Variants in PZP observed in about 807,000 individuals in gnomAD.
The protein encoded by PZP is pregnancy zone protein.
Under a neutral mutation model 179.8 loss-of-function variants are expected in PZP, and 150 were observed. The observed-to-expected ratio is 0.83, with a 90% CI of 0.73 to 0.96. The LOEUF (loss-of-function observed/expected upper bound fraction) is 0.96. Among genes scored for constraint, PZP ranks in the 40% least tolerant of loss-of-function variants. The probability of loss-of-function intolerance (pLI) is 0.00; values close to 1 mark genes in which losing one functional copy is unlikely to be tolerated. For synonymous variants in PZP, 624 were observed against 652.3 expected (o/e 0.96, Z 0.66); for missense variants, 1,689 against 1,764.0 (o/e 0.96, Z 0.76).
Position 9,154,816 on chromosome 12 carries a change from G to C in PZP, c.3574C>G (p.Pro1192Ala). Residue 1192 changes from proline (P) to alanine (A), a missense_variant, in exon 29 of 36, where the codon CCT (proline) becomes GCT (alanine). Pro to Ala is a conservative substitution (Grantham distance 27). Around this residue, in one of 3 missense-constraint regions of PZP, gnomAD observed 746 missense variants for 749.2 expected, o/e 1.00. Transcript: ENST00000261336. Reference protein sequence around the residue: ...KEDNLVHWERPQRPKAPVGHL... With the variant: ...KEDNLVHWERAQRPKAPVGHL... ...CCCACTGGTGCCTTGGGTCTCTGAGGGCGCTCCCAATGGACGAGGTTGTCT... is the reference window on the plus strand; with the variant it reads ...CCCACTGGTGCCTTGGGTCTCTGAGCGCGCTCCCAATGGACGAGGTTGTCT... 6.2e-7 allele frequency: 1 copy of C among 1,614,112 alleles called. No individual in the cohort carries two copies. Among genetic ancestry groups the C allele is most frequent in the Non-Finnish European group, 8.5e-7 (1 of 1,180,012 alleles).
In PZP at chr12:9,196,196, T is replaced by C. The variant is rs774492958; in HGVS notation, c.1092+134A>G. On this transcript the variant is annotated intron_variant, in intron 10 of 35. Coordinates refer to ENST00000261336, the MANE Select transcript of PZP (RefSeq NM_002864.3). ...TCAGTGATATTTAGAAAGGAAAGTATTTCTCCTTGGTTTCATGGTTTTTGG... is the reference window on the plus strand; with the variant it reads ...TCAGTGATATTTAGAAAGGAAAGTACTTCTCCTTGGTTTCATGGTTTTTGG... The C allele has an allele frequency of 1.4e-5, 8 of 563,678 alleles. No individual in the cohort carries two copies. In the African/African-American group the frequency reaches 1.5e-4, roughly 11 times the overall value. 34.9% of individuals were successfully genotyped at this position (563,678 alleles called of 1,614,324 possible).
intron 13 of PZP, 52 bp downstream of exon 13, chr12:9,192,141 A>G: frequency 7.0e-7 from 1 of 1,437,248 alleles, no homozygotes; most frequent in Non-Finnish European, 9.8e-7. Context: ...CACCGAGGGA[A>G]GGGTAAGGAT....
At chr12:9,143,369 G>A in the PZP span, among the ~76,000 whole-genome samples, 7 of 152,136 alleles carry the variant, frequency 4.6e-5, no homozygotes, top group Non-Finnish European at 2.9e-5. Context: ...GGTGGAGAAG[G>A]AGGAAGAGTG....
chr12:9,202,125 T>A (rs754092274), intron 4 of PZP, among the ~76,000 whole-genome samples, 194 bp downstream of exon 4: 1 of 152,302 alleles, frequency 6.6e-6, no homozygotes, highest in African/African-American at 2.4e-5. Context: ...AATACTGTTA[T>A]AAGAGAAAGA....
At chr12:9,199,967 T>C (rs1944057590) in intron 7 of PZP, among the ~76,000 whole-genome samples, 2 of 152,224 alleles carry the variant, frequency 1.3e-5, no homozygotes, top group African/African-American at 4.8e-5. Flanking sequence ...CAATTGAAGA[T>C]ACTTGACTGT....
chr12:9,201,450 G>T, intron 4 of PZP, 103 bp from the exon 5 acceptor site: 1 of 873,478 alleles, frequency 1.1e-6, no homozygotes, highest in Non-Finnish European at 1.8e-6. Flanking sequence ...ATTATCTGTA[G>T]CTAAATTCAA....
chr12:9,164,006 A>G, intron 20 of PZP, 127 bp downstream of exon 20: 2 of 1,343,998 alleles, frequency 1.5e-6, no homozygotes, highest in Non-Finnish European at 2.0e-6. Flanking sequence ...GTGGATAGAA[A>G]TAGGAAAAAA....
At position 9,182,071 on chromosome 12, in the gene PZP, G is replaced by A. The variant is rs376665839; in HGVS notation, c.1593C>T (p.Ala531=). Residue 531 remains alanine, a synonymous_variant, in exon 14 of 36, where the codon GCC becomes GCT. Transcript: ENST00000261336. ...ALSFPVESDV[A]PIARMFIFAI... ...CAAAGATGAACATTCGTGCAATGGG[G>A]GCAACGTCTGACTCCACAGGGAAGG... 9.9e-6 allele frequency: 16 copies of A among 1,613,620 alleles called. No homozygotes were observed. In the African/African-American group the frequency reaches 1.5e-4, roughly 15 times the overall value.
At chr12:9,163,174 G>A (rs1342609409) in intron 21 of PZP, among the ~76,000 whole-genome samples, 1 of 151,668 alleles carries the variant, frequency 6.6e-6, no homozygotes, top group Non-Finnish European at 1.5e-5. Flanking sequence ...GAGAGGTGGA[G>A]ATCAAGAAAT....
chr12:9,196,461 T>A (rs748167025), intron 9 of PZP, 22 bp from the exon 10 acceptor site: 1 of 1,587,140 alleles, frequency 6.3e-7, no homozygotes, highest in Non-Finnish European at 8.6e-7. Context: ...AAAGAGTCAG[T>A]ACTTTTAGAA....
At chr12:9,204,291 C>T (rs1044773660) in intron 1 of PZP, among the ~76,000 whole-genome samples, 4 of 152,006 alleles carry the variant, frequency 2.6e-5, no homozygotes, top group Admixed American at 2.0e-4. Context: ...GAATATATAT[C>T]CATAAAAGTG....
chr12:9,194,078 C>G lies in PZP; in HGVS notation c.1253G>C (p.Arg418Pro). 1.2e-6 allele frequency: 2 copies of G among 1,611,482 alleles called. No individual in the cohort carries two copies. The highest frequency in any genetic ancestry group is 1.1e-5 in the South Asian group (1 of 90,646). Residue 418 changes from arginine (R) to proline (P), a missense_variant and splice_region_variant, in exon 11 of 36, where the codon CGG becomes CCG. Physicochemically the swap from Arg to Pro is moderately radical, Grantham distance 103. Transcript: ENST00000261336. ...TSISVNKLFV[R>P]VFTVHPNLCF... ...AGAGATTTGTCTTTCTATACTTACCCGGACAAAAAGTTTATTAACCGAGAT... is the reference window on the plus strand; with the variant it reads ...AGAGATTTGTCTTTCTATACTTACCGGGACAAAAAGTTTATTAACCGAGAT...
At chr12:9,178,193 GC>G (rs1283761467) in intron 15 of PZP, among the ~76,000 whole-genome samples, 2 of 152,114 alleles carry the variant, frequency 1.3e-5, no homozygotes, top group Non-Finnish European at 2.9e-5. Context: ...ATATTAAATG[GC>G]AAATTCAGAA....
At chr12:9,196,914 G>A (rs1157879048) in intron 8 of PZP, 98 bp downstream of exon 8, 1 of 977,804 alleles carries the variant, frequency 1.0e-6, no homozygotes, top group Admixed American at 2.2e-5. Flanking sequence ...GGGATATTTT[G>A]CGACAAGCTT....
chr12:9,153,047 AG>A, intron 30 of PZP, 77 bp downstream of exon 30: 1 of 1,604,312 alleles, frequency 6.2e-7, no homozygotes, highest in South Asian at 1.1e-5. Flanking sequence ...TTACTTTCCC[AG>A]GAAGGAAGGA....
chr12:9,179,532 C>A lies in PZP; in HGVS notation c.1839+1451G>T, dbSNP rs773358316. On this transcript the variant is annotated intron_variant, in intron 15 of 35. Transcript: ENST00000261336. Reference sequence around the variant, plus strand: ...CATTGCTAACAAAGGTGTAGTAGGTCATTTTTTAAAAGTAGAAAATAATTT... The same window carrying A: ...CATTGCTAACAAAGGTGTAGTAGGTAATTTTTTAAAAGTAGAAAATAATTT... 2.6e-5 allele frequency among the ~76,000 whole-genome samples: 4 copies of A among 152,276 alleles called. No homozygotes were observed. In the South Asian group the frequency reaches 6.2e-4, roughly 24 times the overall value.
At chr12:9,152,592 T>C (rs764714570) in intron 31 of PZP, among the ~76,000 whole-genome samples, 30 of 152,348 alleles carry the variant, frequency 2.0e-4, no homozygotes, top group African/African-American at 7.0e-4. Context: ...AACATATCTA[T>C]GGTTTTTGCA....
At position 9,149,587 on chromosome 12, in the gene PZP, G is replaced by A. The variant is rs148968364; in HGVS notation, c.4400C>T (p.Ala1467Val). ...TGTGCTGCAGGGGGCGATATACTCA[G>A]CAACCACAGACTCATCTGAAAGATA... is the stretch of plus-strand genomic sequence containing the variant. ...DYYETDESVV[A>V]EYIAPCSTDT... The change falls in exon 35 of 36, where the codon GCT (alanine) becomes GTT (valine). Residue 1467 changes from alanine (A) to valine (V), a missense_variant. Ala to Val is a moderately conservative substitution (Grantham distance 64). Coordinates refer to ENST00000261336, the MANE Select transcript of PZP (RefSeq NM_002864.3). 87 of 1,612,898 alleles carry A rather than the reference G, an allele frequency of 5.4e-5. 2 individuals carry two copies. Among genetic ancestry groups the A allele is most frequent in the Non-Finnish European group, 6.6e-5 (78 of 1,179,356 alleles).
intron 13 of PZP, among the ~76,000 whole-genome samples, chr12:9,187,376 A>C (rs1943193263): frequency 6.6e-6 from 1 of 152,172 alleles, no homozygotes. Context: ...ACAACAACAC[A>C]TACATTCTTC....
Sources: allele counts gnomAD v4.1 joint callset (sites outside exome capture counted in the v4.1 genomes callset), GRCh38; gene constraint gnomAD v4.1.1; regional missense constraint gnomAD v4.1.1; transcripts MANE v1.5; gene names NCBI Gene and HGNC (gene_info 2026-07-23, HGNC 2026-07-21).